Variants in CNTNAP2 observed in about 807,000 individuals in gnomAD.
CNTNAP2 encodes the protein contactin associated protein 2.
In CNTNAP2, 98 loss-of-function variants were observed where a neutral mutation model predicts 155.2. The ratio of observed to expected loss-of-function variants is 0.63; its 90% confidence interval spans 0.54 to 0.75. The LOEUF is 0.75. Ranked by LOEUF, CNTNAP2 falls within the 30% of genes least tolerant of loss-of-function variation. The pLI is 0.00. For synonymous variants in CNTNAP2, 651 were observed against 631.2 expected, an observed-to-expected ratio of 1.03 and a Z score of -0.47; for missense variants, 1,727 against 1,688.1, an observed-to-expected ratio of 1.02 and a Z score of -0.40.
intron 11 of CNTNAP2, among the ~76,000 whole-genome samples, chr7:147,503,293 T>A (rs909146768): frequency 1.3e-5 from 2 of 152,192 alleles, no homozygotes; most frequent in Non-Finnish European, 2.9e-5. Flanking sequence ...TCTCTGTCCC[T>A]GTGTCAGAAT....
At position 147,863,651 on chromosome 7, in the gene CNTNAP2, A is replaced by G. The variant is rs972972711; in HGVS notation, c.2099-39914A>G. Among the ~76,000 whole-genome samples the G allele has an allele frequency of 7.2e-5, 11 of 152,124 alleles. No homozygotes were observed. The South Asian group carries it at 1.5e-3, about 20-fold the overall frequency. ...CTGGTGTGAGATGGTATCTCATTGT[A>G]GTTTTGATTTGCATTTCTCTGATGG... On this transcript the variant is annotated intron_variant, in intron 13 of 23. Coordinates refer to ENST00000361727, the MANE Select transcript of CNTNAP2 (RefSeq NM_014141.6).
chr7:146,648,764 C>T (rs1313413660), intron 1 of CNTNAP2, among the ~76,000 whole-genome samples: 1 of 151,892 alleles, frequency 6.6e-6, no homozygotes, highest in East Asian at 1.9e-4. Context: ...TGCTTTGAGG[C>T]CCTTTGATGC....
intron 21 of CNTNAP2, among the ~76,000 whole-genome samples, chr7:148,278,670 A>G (rs528856882): frequency 1.3e-5 from 2 of 152,338 alleles, no homozygotes; most frequent in East Asian, 1.9e-4. Flanking sequence ...TGCTAGGCAC[A>G]GAACAATGGA....
intron 22 of CNTNAP2, among the ~76,000 whole-genome samples, chr7:148,405,313 G>A (rs1365516839): frequency 6.6e-6 from 1 of 151,902 alleles, no homozygotes; most frequent in Non-Finnish European, 1.5e-5. Context: ...TTCCTCCCTA[G>A]CTCTTGTCAT....
intron 3 of CNTNAP2, among the ~76,000 whole-genome samples, chr7:147,003,924 C>A (rs1798475468): frequency 6.6e-6 from 1 of 151,982 alleles, no homozygotes; most frequent in Non-Finnish European, 1.5e-5. Context: ...CCTAGCTACT[C>A]AGGTGGCTGA....
chr7:146,278,063 C>A (rs924876424), intron 1 of CNTNAP2, among the ~76,000 whole-genome samples: 1 of 152,166 alleles, frequency 6.6e-6, no homozygotes, highest in South Asian at 2.1e-4. Flanking sequence ...TTATTGTCAG[C>A]AGATTAGCAT....
intron 1 of CNTNAP2, among the ~76,000 whole-genome samples, chr7:146,432,639 G>T (rs181429503): frequency 1.3e-5 from 2 of 152,188 alleles, no homozygotes; most frequent in Admixed American, 1.3e-4. Context: ...ACTAATTCAC[G>T]TCTTTCCTCA....
chr7:148,124,458 G>A (rs1296589768), intron 16 of CNTNAP2, among the ~76,000 whole-genome samples: 1 of 152,036 alleles, frequency 6.6e-6, no homozygotes, highest in Admixed American at 6.5e-5. Context: ...TTCTGACTGA[G>A]AGGGCCATCA....
intron 1 of CNTNAP2, among the ~76,000 whole-genome samples, chr7:146,400,794 G>A (rs1372801872): frequency 6.6e-6 from 1 of 152,220 alleles, no homozygotes; most frequent in Non-Finnish European, 1.5e-5. Context: ...TAAATAAGGA[G>A]TTGCAGAGGC....
chr7:147,141,775 A>G (rs1801602466), intron 8 of CNTNAP2, among the ~76,000 whole-genome samples: 1 of 152,144 alleles, frequency 6.6e-6, no homozygotes, highest in Admixed American at 6.5e-5. Flanking sequence ...ACCTGACATC[A>G]ATGATGTCCT....
chr7:148,361,912 G>T (rs1798628561), intron 21 of CNTNAP2, among the ~76,000 whole-genome samples: 1 of 152,062 alleles, frequency 6.6e-6, no homozygotes, highest in South Asian at 2.1e-4. Context: ...CATCAGATCG[G>T]CCGGGCACGG....
intron 10 of CNTNAP2, among the ~76,000 whole-genome samples, chr7:147,434,181 T>C (rs954019710): frequency 6.6e-6 from 1 of 152,210 alleles, no homozygotes; most frequent in Non-Finnish European, 1.5e-5. Flanking sequence ...TATTTGCTAA[T>C]AGTTGTAGTA....
intron 3 of CNTNAP2, among the ~76,000 whole-genome samples, chr7:146,947,175 G>T (rs1401524282): frequency 6.6e-6 from 1 of 151,334 alleles, no homozygotes; most frequent in African/African-American, 2.4e-5. Flanking sequence ...GGGATTACAG[G>T]CACCTGCCAT....
intron 1 of CNTNAP2, among the ~76,000 whole-genome samples, chr7:146,394,732 T>A (rs1296840344): frequency 2.6e-5 from 4 of 152,164 alleles, no homozygotes; most frequent in African/African-American, 9.7e-5. Flanking sequence ...TTCACACAAA[T>A]TTTATGATGT....
chr7:147,241,369 T>C (rs73459560), intron 8 of CNTNAP2, among the ~76,000 whole-genome samples: 1 of 152,142 alleles, frequency 6.6e-6, no homozygotes, highest in Non-Finnish European at 1.5e-5. Context: ...GCCTCTTGCC[T>C]GTAATGCCAG....
intron 21 of CNTNAP2, among the ~76,000 whole-genome samples, chr7:148,372,857 T>C (rs961359574): frequency 5.3e-5 from 8 of 152,238 alleles, no homozygotes; most frequent in Non-Finnish European, 1.0e-4. Flanking sequence ...TATACAGCTG[T>C]AAAAAATATT....
intron 3 of CNTNAP2, among the ~76,000 whole-genome samples, chr7:147,017,644 G>A (rs539154667): frequency 7.2e-5 from 11 of 151,986 alleles, no homozygotes; most frequent in Middle Eastern, 7.1e-3. Context: ...TTTATTTAGC[G>A]AGTAAAGAAC....
intron 13 of CNTNAP2, among the ~76,000 whole-genome samples, chr7:147,804,914 C>T (rs1798065929): frequency 6.6e-6 from 1 of 152,118 alleles, no homozygotes; most frequent in African/African-American, 2.4e-5. Context: ...TTGCCTTTTT[C>T]TCTGTTCTTA....
At chr7:147,156,747 A>G (rs1163113670) in intron 8 of CNTNAP2, among the ~76,000 whole-genome samples, 2 of 152,164 alleles carry the variant, frequency 1.3e-5, no homozygotes, top group African/African-American at 4.8e-5. Context: ...TTCTTCCCCA[A>G]CATTGAGCTT....
Sources: allele counts gnomAD v4.1 joint callset (sites outside exome capture counted in the v4.1 genomes callset), GRCh38; gene constraint gnomAD v4.1.1; transcripts MANE v1.5; gene names NCBI Gene and HGNC (gene_info 2026-07-23, HGNC 2026-07-21).